The following SLC2A13 variants were observed in gnomAD, a reference collection of about 807,000 sequenced individuals.
SLC2A13 encodes solute carrier family 2 member 13.
In SLC2A13, 32 loss-of-function variants were observed where a neutral mutation model predicts 64.4. The ratio of observed to expected loss-of-function variants is 0.50; its 90% CI spans 0.37 to 0.67. The LOEUF is 0.67. SLC2A13 is among the 30% of genes least tolerant of loss of function. The pLI is 0.00. For missense variants in SLC2A13, 743 were observed against 829.2 expected (o/e 0.90, Z 1.28); for synonymous variants, 338 against 327.1 (o/e 1.03, Z -0.36).
chr12:39,979,106 G>A (rs1008861672), intron 3 of SLC2A13, among the ~76,000 whole-genome samples: 4 of 151,776 alleles, frequency 2.6e-5, no homozygotes, highest in Non-Finnish European at 4.4e-5. Context: ...ACCTGCAGCT[G>A]AGGGTCCTGT....
At chr12:39,893,126 C>A (rs969481258) in intron 4 of SLC2A13, among the ~76,000 whole-genome samples, 6 of 152,076 alleles carry the variant, frequency 3.9e-5, no homozygotes, top group African/African-American at 1.2e-4. Context: ...AATGAAAAAA[C>A]CCAATGAGAG....
At chr12:39,965,806 C>T (rs1020749787) in intron 3 of SLC2A13, among the ~76,000 whole-genome samples, 4 of 151,978 alleles carry the variant, frequency 2.6e-5, no homozygotes, top group African/African-American at 9.7e-5. Flanking sequence ...GTCTGAAACA[C>T]AATCACTGAA....
At chr12:39,916,678 T>C (rs1286452589) in intron 4 of SLC2A13, among the ~76,000 whole-genome samples, 1 of 152,138 alleles carries the variant, frequency 6.6e-6, no homozygotes, top group Non-Finnish European at 1.5e-5. Context: ...CGCAACATCA[T>C]TATATATTAA....
chr12:39,937,368 A>C (rs779695162), intron 4 of SLC2A13, among the ~76,000 whole-genome samples: 1 of 152,170 alleles, frequency 6.6e-6, no homozygotes, highest in Non-Finnish European at 1.5e-5. Flanking sequence ...TAAAGAGTGA[A>C]TTAAGACCTG....
intron 4 of SLC2A13, among the ~76,000 whole-genome samples, chr12:39,928,096 C>A (rs1252239025): frequency 1.3e-5 from 2 of 152,096 alleles, no homozygotes; most frequent in Non-Finnish European, 2.9e-5. Flanking sequence ...TCATCGAAAT[C>A]TTTCCTATAG....
chr12:39,917,835 T>TATA (rs1043216717), intron 4 of SLC2A13, among the ~76,000 whole-genome samples: 19 of 152,172 alleles, frequency 1.2e-4, no homozygotes, highest in Admixed American at 1.2e-3. Flanking sequence ...CCCTCATGAA[T>TATA]ATAACCTCTT....
chr12:39,985,849 C>G (rs531275782), intron 3 of SLC2A13, among the ~76,000 whole-genome samples: 21 of 152,160 alleles, frequency 1.4e-4, no homozygotes, highest in Non-Finnish European at 1.5e-5. Context: ...TTCAATAAGT[C>G]ATGATACGAA....
At chr12:39,765,979 G>A (rs1254926744) in intron 7 of SLC2A13, among the ~76,000 whole-genome samples, 1 of 152,046 alleles carries the variant, frequency 6.6e-6, no homozygotes, top group African/African-American at 2.4e-5. Flanking sequence ...CACGCAGTGT[G>A]TGGTTTTCTG....
intron 4 of SLC2A13, among the ~76,000 whole-genome samples, chr12:39,895,721 T>A (rs1944768136): frequency 7.3e-6 from 1 of 136,742 alleles, no homozygotes; most frequent in Non-Finnish European, 1.6e-5. Flanking sequence ...CACATATGTA[T>A]ATGCGTGTAT....
At chr12:39,890,948 C>G (rs1453959440) in intron 4 of SLC2A13, among the ~76,000 whole-genome samples, 1 of 152,020 alleles carries the variant, frequency 6.6e-6, no homozygotes, top group African/African-American at 2.4e-5. Flanking sequence ...AGTATACATA[C>G]ATGATGCAAA....
intron 6 of SLC2A13, among the ~76,000 whole-genome samples, chr12:39,841,077 T>G (rs1400174859): frequency 6.6e-6 from 1 of 151,664 alleles, no homozygotes; most frequent in Non-Finnish European, 1.5e-5. Flanking sequence ...TGTAAAAGAG[T>G]CATATTTCTC....
chr12:39,839,943 T>C (rs1019757632), intron 6 of SLC2A13, among the ~76,000 whole-genome samples: 7 of 152,142 alleles, frequency 4.6e-5, no homozygotes, highest in Admixed American at 2.0e-4. Flanking sequence ...CTGAGCATGA[T>C]TGCAGAACAT....
intron 4 of SLC2A13, among the ~76,000 whole-genome samples, chr12:39,892,841 CA>C (rs1402134037): frequency 2.6e-5 from 4 of 151,824 alleles, no homozygotes; most frequent in African/African-American, 9.7e-5. Context: ...GAAAAACAAC[CA>C]AAGTCATATT....
chr12:39,862,824 A>C (rs1943797163), intron 6 of SLC2A13, among the ~76,000 whole-genome samples: 1 of 152,146 alleles, frequency 6.6e-6, no homozygotes, highest in South Asian at 2.1e-4. Flanking sequence ...GATATTCATC[A>C]CCTCAAGCAA....
At chr12:39,895,008 G>A (rs74796077) in intron 4 of SLC2A13, among the ~76,000 whole-genome samples, 269 of 152,226 alleles carry the variant, frequency 1.8e-3, no homozygotes, top group Non-Finnish European at 2.8e-3. Flanking sequence ...TCCTGCAAGG[G>A]AAGAGATAGA....
chr12:39,918,878 C>T (rs2136051882), intron 4 of SLC2A13, among the ~76,000 whole-genome samples: 1 of 149,934 alleles, frequency 6.7e-6, no homozygotes, highest in Non-Finnish European at 1.5e-5. Context: ...GGTTAAAAAC[C>T]TTTTTGTTAT....
intron 3 of SLC2A13, among the ~76,000 whole-genome samples, chr12:39,971,997 A>AAAAAATATATATATATAT (rs1375405006): frequency 3.9e-5 from 3 of 77,380 alleles, no homozygotes. Flanking sequence ...AAAAAAAAAA[A>AAAAAATATATATATATAT]ATATATATAT....
At chr12:39,882,095 C>T (rs753740054) in intron 4 of SLC2A13, among the ~76,000 whole-genome samples, 26 of 152,276 alleles carry the variant, frequency 1.7e-4, no homozygotes, top group South Asian at 1.0e-3. Flanking sequence ...TTATTCCAGA[C>T]ACTGCTTCTT....
At chr12:39,958,769 C>T (rs1946360794) in intron 3 of SLC2A13, among the ~76,000 whole-genome samples, 1 of 152,100 alleles carries the variant, frequency 6.6e-6, no homozygotes, top group South Asian at 2.1e-4. Context: ...CATATTGTTA[C>T]AATTTTGTCT....
Sources: allele counts gnomAD v4.1 joint callset (sites outside exome capture counted in the v4.1 genomes callset), GRCh38; gene constraint gnomAD v4.1.1; transcripts MANE v1.5; gene names NCBI Gene and HGNC (gene_info 2026-07-23, HGNC 2026-07-21).